CSMD1: variants seen among roughly 807,000 people sequenced by gnomAD.
CSMD1 encodes the protein CUB and Sushi multiple domains 1, also known as CUB and sushi domain-containing protein 1.
In CSMD1, 213 loss-of-function variants were observed where a neutral mutation model predicts 417.5. The ratio of observed to expected loss-of-function variants is 0.51; its 90% CI spans 0.46 to 0.57. CSMD1 has a LOEUF of 0.57. CSMD1 is among the 20% of genes least tolerant of loss of function. The pLI is 0.00. For synonymous variants in CSMD1, 2,862 were observed against 1,736.8 expected (o/e 1.65, Z -16.11); for missense variants, 6,923 against 4,529.7 (o/e 1.53, Z -15.17).
At chr8:4,322,797 C>G (rs1799343405) in intron 3 of CSMD1, among the ~76,000 whole-genome samples, 1 of 152,154 alleles carries the variant, frequency 6.6e-6, no homozygotes, top group South Asian at 2.1e-4. Context: ...GAGTACAAGA[C>G]CAGCCTGGCC....
intron 5 of CSMD1, among the ~76,000 whole-genome samples, chr8:3,823,084 T>C (rs1051792642): frequency 1.3e-5 from 2 of 152,160 alleles, no homozygotes; most frequent in Non-Finnish European, 2.9e-5. Flanking sequence ...GAGGAATAAA[T>C]TACCTGGGAT....
In CSMD1 at chr8:3,025,027, G is replaced by A. The variant is rs185137217; in HGVS notation, c.7855+4292C>T. On this transcript the variant is annotated intron_variant, in intron 51 of 69. Coordinates refer to ENST00000635120, the MANE Select transcript of CSMD1 (RefSeq NM_033225.6). ...GTTATTCTGAAACCGTGTATTGTGC[G>A]GTGTTATTCTGAAACCCTGTATTGT... 3.6e-3 allele frequency among the ~76,000 whole-genome samples: 539 copies of A among 150,246 alleles called. 5 individuals are homozygous for A. The highest frequency in any genetic ancestry group is 0.012 in the African/African-American group (505 of 40,870).
intron 5 of CSMD1, among the ~76,000 whole-genome samples, chr8:3,937,225 A>G (rs754462471): frequency 6.6e-6 from 1 of 152,192 alleles, no homozygotes; most frequent in Non-Finnish European, 1.5e-5. Flanking sequence ...GATTGTGATT[A>G]TTTCATAAAC....
At chr8:4,194,414 G>C (rs149713748) in intron 3 of CSMD1, among the ~76,000 whole-genome samples, 1 of 152,250 alleles carries the variant, frequency 6.6e-6, no homozygotes, top group East Asian at 1.9e-4. Context: ...ACTCCAAATA[G>C]CTTGTAAAAT....
rs527388770 is a variant in CSMD1, at chr8:3,980,339, A to G, written c.818+17564T>C. ...TAATATGCGTCCGGAAGCAGTTCTG[A>G]GATAATCCTGAATTTCAGCTTTAAC... is the stretch of plus-strand genomic sequence containing the variant. On this transcript the variant is annotated intron_variant, in intron 5 of 69. Transcript: ENST00000635120. Among the ~76,000 whole-genome samples the G allele has an allele frequency of 5.3e-5, 8 of 152,016 alleles. No homozygotes were observed. In the East Asian group the frequency reaches 1.6e-3, roughly 30 times the overall value.
intron 3 of CSMD1, among the ~76,000 whole-genome samples, chr8:4,399,259 C>A (rs1804480054): frequency 1.3e-5 from 2 of 152,150 alleles, no homozygotes; most frequent in East Asian, 1.9e-4. Flanking sequence ...TTCCTCCCCA[C>A]AAAAACAGCA....
chr8:3,831,180 A>C (rs1004804010), intron 5 of CSMD1, among the ~76,000 whole-genome samples: 2 of 152,202 alleles, frequency 1.3e-5, no homozygotes. Flanking sequence ...GAGACTCTAC[A>C]TTGATGAGTG....
intron 5 of CSMD1, among the ~76,000 whole-genome samples, chr8:3,798,757 G>A (rs531260769): frequency 2.6e-5 from 4 of 152,088 alleles, no homozygotes; most frequent in African/African-American, 9.6e-5. Flanking sequence ...TCAGTATTTA[G>A]AAATTTTTTT....
chr8:4,145,121 C>T lies in CSMD1; in HGVS notation c.416-113022G>A, dbSNP rs76706851. 3.8e-4 allele frequency among the ~76,000 whole-genome samples: 58 copies of T among 151,096 alleles called. 1 individual carries two copies. Among genetic ancestry groups the T allele is most frequent in the East Asian group, 3.7e-3 (19 of 5,190 alleles). Reference sequence around the variant, plus strand: ...CTTGGTTAAGAATATAATTACATGGCGCAGATATAATAGTTTAGACACATG... The same window carrying T: ...CTTGGTTAAGAATATAATTACATGGTGCAGATATAATAGTTTAGACACATG... On this transcript the variant is annotated intron_variant, in intron 3 of 69. Transcript: ENST00000635120.
intron 4 of CSMD1, among the ~76,000 whole-genome samples, chr8:4,017,170 G>C (rs948395239): frequency 4.6e-5 from 7 of 152,180 alleles, no homozygotes; most frequent in African/African-American, 1.4e-4. Context: ...TTTTGTGTAT[G>C]TTGAAGCTTC....
At chr8:4,599,020 A>G (rs1381858188) in intron 2 of CSMD1, among the ~76,000 whole-genome samples, 1 of 152,212 alleles carries the variant, frequency 6.6e-6, no homozygotes, top group Non-Finnish European at 1.5e-5. Flanking sequence ...TGGTTTAAAA[A>G]TGTATTAAAC....
intron 2 of CSMD1, among the ~76,000 whole-genome samples, chr8:4,589,641 C>T (rs1001710444): frequency 2.6e-5 from 4 of 152,124 alleles, no homozygotes; most frequent in African/African-American, 9.7e-5. Flanking sequence ...TACTATTAGG[C>T]AAGTGTGTTT....
At chr8:3,590,813 C>A (rs568870273) in intron 8 of CSMD1, among the ~76,000 whole-genome samples, 4 of 152,222 alleles carry the variant, frequency 2.6e-5, no homozygotes, top group South Asian at 2.1e-4. Context: ...CTAAATAAGA[C>A]CCCAATTCTA....
intron 5 of CSMD1, among the ~76,000 whole-genome samples, chr8:3,764,188 C>T (rs77219033): frequency 2.0e-3 from 300 of 152,240 alleles, no homozygotes; most frequent in African/African-American, 5.4e-3. Context: ...AGATTTGCAC[C>T]GTACGCATTA....
intron 8 of CSMD1, among the ~76,000 whole-genome samples, chr8:3,593,031 G>C (rs142061411): frequency 6.6e-6 from 1 of 152,332 alleles, no homozygotes; most frequent in East Asian, 1.9e-4. Context: ...ATATAGGCAG[G>C]AGAGGCTGGA....
At chr8:3,843,466 C>G (rs1364042046) in intron 5 of CSMD1, among the ~76,000 whole-genome samples, 1 of 151,724 alleles carries the variant, frequency 6.6e-6, no homozygotes, top group Non-Finnish European at 1.5e-5. Flanking sequence ...ATCAAAATGA[C>G]AAATTACACT....
intron 1 of CSMD1, among the ~76,000 whole-genome samples, chr8:4,952,164 C>T (rs10448108): frequency 0.5 from 75,744 of 151,670 alleles, 19,172 homozygotes; most frequent in African/African-American, 0.6. Flanking sequence ...AATTATCACA[C>T]ACACCTCTCC....
rs1584998330 is a variant in CSMD1 at position 4,388,352 on chromosome 8, A to G, written c.415+31601T>C. Among the ~76,000 whole-genome samples, 3 of 150,978 alleles carry G rather than the reference A, an allele frequency of 2.0e-5. No homozygotes were observed. In the Middle Eastern group the frequency reaches 0.01, roughly 517 times the overall value. ...CACACACACACACACACACGAACAC[A>G]TGATGGACTGCTACTCAGCCATAAA... On this transcript the variant is annotated intron_variant, in intron 3 of 69. Coordinates refer to ENST00000635120, the MANE Select transcript of CSMD1 (RefSeq NM_033225.6).
chr8:3,490,926 G>A (rs1191229158), intron 11 of CSMD1, among the ~76,000 whole-genome samples: 1 of 152,080 alleles, frequency 6.6e-6, no homozygotes, highest in African/African-American at 2.4e-5. Context: ...TATTTGGCAA[G>A]GGTGCAGAAA....
Sources: gnomAD v4.1 joint callset for allele counts (sites outside exome capture counted in the v4.1 genomes callset) on GRCh38, gnomAD v4.1.1 for gene constraint, MANE v1.5 for transcripts, NCBI Gene and HGNC (gene_info 2026-07-23, HGNC 2026-07-21) for gene names.